The following TMPO variants were observed in gnomAD, a reference collection of about 807,000 sequenced individuals.
TMPO encodes thymopoietin, also known as LEM domain containing 4.
TMPO carries 22 observed loss-of-function variants against 45.4 expected under a neutral mutation model. The observed-to-expected ratio is 0.48, with a 90% CI of 0.35 to 0.69. The LOEUF is 0.69. Among genes scored for constraint, TMPO ranks in the 30% least tolerant of loss-of-function variants. TMPO has a pLI of 0.01. For missense variants in TMPO, 512 were observed against 548.8 expected (o/e 0.93, Z 0.67); for synonymous variants, 241 against 204.1 (o/e 1.18, Z -1.54).
chr12:98,537,538 T>A lies in TMPO; in HGVS notation c.629T>A (p.Val210Glu), dbSNP rs781269460. Residue 210 changes from valine to glutamate, a missense_variant, in exon 4 of 9, where the codon GTA becomes GAA. Coordinates refer to ENST00000556029, the MANE Select transcript of TMPO (RefSeq NM_001032283.3). ...CTAAAGGGCAGAGCAAAGACTCCAGTAACACTCAAGCAAAGAAGAGTTGAG... is the reference window on the plus strand; with the variant it reads ...CTAAAGGGCAGAGCAAAGACTCCAGAAACACTCAAGCAAAGAAGAGTTGAG... The part of the protein sequence containing the change: ...EPLKGRAKTP[V>E]TLKQRRVEHN... 16 of 1,613,424 alleles carry A rather than the reference T, an allele frequency of 9.9e-6. No homozygotes were observed. The highest frequency in any genetic ancestry group is 1.6e-4 in the Middle Eastern group (1 of 6,082).
At position 98,533,820 on chromosome 12, in the gene TMPO, AG is replaced by A. The variant is rs1241598109; in HGVS notation, c.565+1983del. On this transcript the variant is annotated intron_variant, in intron 3 of 8. Coordinates refer to ENST00000556029, the MANE Select transcript of TMPO (RefSeq NM_001032283.3). ...TGCCTTCACTGGCATGCAAATATCC[AG>A]TTTCTTCCAGGGAGGCAACACAGAT... is the stretch of plus-strand genomic sequence containing the variant. 6.2e-7 allele frequency: 1 copy of A among 1,614,086 alleles called. No homozygotes were observed. Among genetic ancestry groups the A allele is most frequent in the African/African-American group, 1.3e-5 (1 of 74,926 alleles).
In TMPO at chr12:98,515,863, C is replaced by T. The variant is rs1172250005; in HGVS notation, c.-5C>T. ...TGTGGGGAGGGGGCTTCGCAGATCCCCGAGATGCCGGAGTTCCTGGAAGAC... is the reference window on the plus strand; with the variant it reads ...TGTGGGGAGGGGGCTTCGCAGATCCTCGAGATGCCGGAGTTCCTGGAAGAC... On this transcript the variant is annotated 5_prime_UTR_variant, in exon 1 of 9. Coordinates refer to ENST00000556029, the MANE Select transcript of TMPO (RefSeq NM_001032283.3). 1.9e-6 allele frequency: 3 copies of T among 1,611,908 alleles called. No homozygotes were observed. Among genetic ancestry groups the T allele is most frequent in the East Asian group, 4.5e-5 (2 of 44,728 alleles).
chr12:98,537,846 T>C (rs555272103), intron 4 of TMPO: 3 of 545,960 alleles, frequency 5.5e-6, no homozygotes, highest in Admixed American at 3.2e-5. Context: ...GAAAGAAATA[T>C]TTTAAAAGGT....
chr12:98,527,498 G>A (rs544347941), intron 1 of TMPO: 23 of 185,522 alleles, frequency 1.2e-4, no homozygotes, highest in Admixed American at 5.2e-4. Flanking sequence ...ACTCCAGCCC[G>A]GGTGACATAG....
intron 4 of TMPO, among the ~76,000 whole-genome samples, chr12:98,539,840 G>C (rs952931783): frequency 3.3e-5 from 5 of 152,118 alleles, no homozygotes; most frequent in Non-Finnish European, 7.4e-5. Flanking sequence ...CTTTGACATA[G>C]TGTTTCACAC....
Position 98,533,787 on chromosome 12 carries a change from C to G in TMPO, c.565+1949C>G, listed in dbSNP as rs750502531. 6.2e-6 allele frequency: 10 copies of G among 1,614,234 alleles called. No individual in the cohort carries two copies. Among genetic ancestry groups the G allele is most frequent in the Middle Eastern group, 1.6e-4 (1 of 6,062 alleles). Reference sequence around the variant, plus strand: ...TTGAAGAAGAATGGCAGCAAGTTGACAGGCAGCTGCCTTCACTGGCATGCA... The same window carrying G: ...TTGAAGAAGAATGGCAGCAAGTTGAGAGGCAGCTGCCTTCACTGGCATGCA... On this transcript the variant is annotated intron_variant, in intron 3 of 8. Transcript: ENST00000556029.
chr12:98,540,481 C>A (rs1451468510), intron 4 of TMPO, among the ~76,000 whole-genome samples: 2 of 152,114 alleles, frequency 1.3e-5, no homozygotes, highest in Non-Finnish European at 2.9e-5. Flanking sequence ...CAAGTTCAAG[C>A]GATTCTCCTG....
At chr12:98,537,148 TTG>T (rs1376571303) in intron 3 of TMPO, among the ~76,000 whole-genome samples, 1 of 152,198 alleles carries the variant, frequency 6.6e-6, no homozygotes, top group Non-Finnish European at 1.5e-5. Context: ...CACATCTAAA[TTG>T]TTCTTACTGA....
At chr12:98,521,168 C>G (rs1461846979) in intron 1 of TMPO, among the ~76,000 whole-genome samples, 2 of 128,848 alleles carry the variant, frequency 1.6e-5, no homozygotes, top group African/African-American at 6.0e-5. Context: ...ACTGCAGTGG[C>G]GTGATCTCCA....
chr12:98,543,499 T>G (rs975544779), intron 4 of TMPO, among the ~76,000 whole-genome samples: 1 of 152,222 alleles, frequency 6.6e-6, no homozygotes, highest in Non-Finnish European at 1.5e-5. Flanking sequence ...AAATGCTGGA[T>G]TCTTTAAAAA....
intron 1 of TMPO, among the ~76,000 whole-genome samples, chr12:98,519,145 G>A (rs1428872780): frequency 1.3e-5 from 2 of 152,160 alleles, no homozygotes; most frequent in Non-Finnish European, 2.9e-5. Flanking sequence ...GCTTCTCAAA[G>A]TGCTGGGATT....
chr12:98,533,764 GA>G lies in TMPO; in HGVS notation c.565+1928del, dbSNP rs1442448525. On this transcript the variant is annotated intron_variant, in intron 3 of 8. Transcript: ENST00000556029. Reference sequence around the variant, plus strand: ...CCATGAATCTATTTTAAAAGTAATTGAAGAAGAATGGCAGCAAGTTGACAGG... The same window carrying G: ...CCATGAATCTATTTTAAAAGTAATTGAGAAGAATGGCAGCAAGTTGACAGG... 21 of 1,614,074 alleles carry G rather than the reference GA, an allele frequency of 1.3e-5. No homozygotes were observed. Among genetic ancestry groups the G allele is most frequent in the Non-Finnish European group, 4.2e-6 (5 of 1,180,058 alleles).
chr12:98,524,023 T>C (rs989585405), intron 1 of TMPO, among the ~76,000 whole-genome samples: 2 of 152,218 alleles, frequency 1.3e-5, no homozygotes, highest in Non-Finnish European at 2.9e-5. Flanking sequence ...TAATAAGAAA[T>C]GGATTTTCAA....
intron 1 of TMPO, among the ~76,000 whole-genome samples, chr12:98,521,549 C>T (rs920953754): frequency 6.6e-6 from 1 of 152,144 alleles, no homozygotes; most frequent in African/African-American, 2.4e-5. Flanking sequence ...TATTTCTAAG[C>T]TTTTTATTTT....
chr12:98,537,560 T>C lies in TMPO; in HGVS notation c.651T>C (p.Val217=). 1 of 1,612,598 alleles carries C rather than the reference T, an allele frequency of 6.2e-7. No homozygotes were observed. Among genetic ancestry groups the C allele is most frequent in the Non-Finnish European group, 8.5e-7 (1 of 1,179,002 alleles). ...KTPVTLKQRR[V]EHNQSYSQAG... is the part of the protein sequence containing the mutation. ...CAGTAACACTCAAGCAAAGAAGAGTTGAGCACAATCAGGTATCTTTAGTTT... is the reference window on the plus strand; with the variant it reads ...CAGTAACACTCAAGCAAAGAAGAGTCGAGCACAATCAGGTATCTTTAGTTT... The change falls in exon 4 of 9, where the codon GTT becomes GTC. Residue 217 remains valine, a synonymous_variant. Transcript: ENST00000556029.
At chr12:98,539,980 A>G (rs1565815034) in intron 4 of TMPO, among the ~76,000 whole-genome samples, 3 of 152,192 alleles carry the variant, frequency 2.0e-5, no homozygotes, top group Non-Finnish European at 4.4e-5. Context: ...CTCTAGTTTC[A>G]GAAATGTTTC....
intron 3 of TMPO, among the ~76,000 whole-genome samples, chr12:98,536,736 C>G (rs1051878608): frequency 6.6e-6 from 1 of 152,108 alleles, no homozygotes; most frequent in Non-Finnish European, 1.5e-5. Flanking sequence ...AATATTGAAG[C>G]CTATTAAAAA....
intron 4 of TMPO, among the ~76,000 whole-genome samples, chr12:98,541,444 T>A (rs1877908171): frequency 6.6e-6 from 1 of 152,256 alleles, no homozygotes; most frequent in Non-Finnish European, 1.5e-5. Flanking sequence ...GTTCTTCAAA[T>A]GATGTTGTTA....
At chr12:98,537,334 T>C in intron 3 of TMPO, 141 bp from the exon 4 acceptor site, 1 of 642,540 alleles carries the variant, frequency 1.6e-6, no homozygotes, top group Admixed American at 2.9e-5. Context: ...TTAAACAATT[T>C]TGGACTAGTG....
Sources: allele counts gnomAD v4.1 joint callset (sites outside exome capture counted in the v4.1 genomes callset), GRCh38; gene constraint gnomAD v4.1.1; transcripts MANE v1.5; gene names NCBI Gene and HGNC (gene_info 2026-07-23, HGNC 2026-07-21).